The following SPG11 variants were observed in gnomAD, a reference collection of about 807,000 sequenced individuals.
SPG11 encodes SPG11 vesicle trafficking associated, spatacsin.
A neutral mutation model predicts 274.0 loss-of-function variants in SPG11; 222 were observed. The observed-to-expected ratio is 0.81, with a 90% CI of 0.73 to 0.91. SPG11 has a LOEUF of 0.91. Ranked by LOEUF, SPG11 falls within the 40% of genes least tolerant of loss-of-function variation. The pLI is 0.00. For missense variants in SPG11, 3,114 were observed against 2,872.7 expected (o/e 1.08, Z -1.92); for synonymous variants, 1,144 against 1,039.7 (o/e 1.10, Z -1.93).
At chr15:44,583,613 C>T (rs1742113849) in intron 30 of SPG11, among the ~76,000 whole-genome samples, 1 of 152,142 alleles carries the variant, frequency 6.6e-6, no homozygotes, top group African/African-American at 2.4e-5. Flanking sequence ...TTCCCTTTAA[C>T]TTTGAAACAT....
At chr15:44,623,017 C>T (rs1206747698) in intron 11 of SPG11, among the ~76,000 whole-genome samples, 2 of 152,170 alleles carry the variant, frequency 1.3e-5, no homozygotes, top group African/African-American at 4.8e-5. Flanking sequence ...GGTGTGATCA[C>T]AGCTCACTGC....
At position 44,620,175 on chromosome 15, in the gene SPG11, C is replaced by T; in HGVS notation, c.2834+15G>A. The T allele has an allele frequency of 5.0e-6, 8 of 1,596,138 alleles. No individual in the cohort carries two copies. Among genetic ancestry groups the T allele is most frequent in the South Asian group, 1.1e-5 (1 of 90,548 alleles). ...GTATTCTTCCCATTGGGTATTAGTT[C>T]AACAGTTATAATACCTGGCCAGCTT... is the stretch of plus-strand genomic sequence containing the variant. On this transcript the variant is annotated intron_variant, in intron 15 of 39. Coordinates refer to ENST00000261866, the MANE Select transcript of SPG11 (RefSeq NM_025137.4).
intron 18 of SPG11, among the ~76,000 whole-genome samples, chr15:44,609,572 G>A (rs1246720532): frequency 1.3e-5 from 2 of 152,088 alleles, no homozygotes; most frequent in Non-Finnish European, 2.9e-5. Flanking sequence ...AGGGCAAATA[G>A]TAGACAATAA....
chr15:44,572,717 C>G lies in SPG11; in HGVS notation c.6309G>C (p.Lys2103Asn), dbSNP rs1192111195. 4 of 1,614,026 alleles carry G rather than the reference C, an allele frequency of 2.5e-6. No homozygotes were observed. Among genetic ancestry groups the G allele is most frequent in the Non-Finnish European group, 3.4e-6 (4 of 1,180,022 alleles). ...RTLVGMKLLD[K>N]ISSVPHGELS... The stretch of plus-strand genomic sequence containing the variant: ...GTTCCCCATGGGGAACGGAGGAAAT[C>G]TTATCCAACAACTTCATGCCTACCA... Residue 2103 changes from lysine to asparagine, a missense_variant, in exon 33 of 40, where the codon AAG (lysine) becomes AAC (asparagine). By Grantham distance (94) the Lys-to-Asn change is moderately conservative. Transcript: ENST00000261866.
At chr15:44,651,431 A>T in intron 6 of SPG11, 60 bp downstream of exon 6, 1 of 1,467,464 alleles carries the variant, frequency 6.8e-7, no homozygotes, top group South Asian at 1.2e-5. Context: ...CAGAAGTAAA[A>T]TACAGTAGGA....
intron 7 of SPG11, among the ~76,000 whole-genome samples, chr15:44,642,361 T>G: frequency 1.2e-5 from 1 of 86,844 alleles, no homozygotes; most frequent in African/African-American, 5.4e-5. Flanking sequence ...TAAGACTCCA[T>G]CTCAAAAAAA....
At chr15:44,617,698 T>C (rs2083624568) in intron 15 of SPG11, among the ~76,000 whole-genome samples, 1 of 152,158 alleles carries the variant, frequency 6.6e-6, no homozygotes, top group African/African-American at 2.4e-5. Context: ...TTTTTTGAGA[T>C]GGATTCTCAC....
intron 37 of SPG11, 98 bp downstream of exon 37, chr15:44,566,119 C>A: frequency 3.8e-6 from 6 of 1,585,630 alleles, no homozygotes; most frequent in Non-Finnish European, 5.2e-6. Flanking sequence ...CCTATGATGC[C>A]CTCCCGCTTC....
chr15:44,583,793 C>A (rs1029339077), intron 30 of SPG11, 21 bp downstream of exon 30: 5 of 1,614,016 alleles, frequency 3.1e-6, no homozygotes, highest in Non-Finnish European at 3.4e-6. Flanking sequence ...GACTCTGGGC[C>A]ATCTGATCTC....
chr15:44,662,262 T>C (rs1358199406), intron 1 of SPG11, among the ~76,000 whole-genome samples: 1 of 152,046 alleles, frequency 6.6e-6, no homozygotes, highest in Non-Finnish European at 1.5e-5. Flanking sequence ...ATGTATCAAA[T>C]GAATCTCTAA....
intron 20 of SPG11, chr15:44,604,245 T>G (rs1174043958): frequency 2.7e-6 from 1 of 372,874 alleles, no homozygotes; most frequent in African/African-American, 2.2e-5. Flanking sequence ...TCTGTCATCT[T>G]ACAAAGGTCT....
intron 11 of SPG11, among the ~76,000 whole-genome samples, chr15:44,624,521 G>C (rs1430880762): frequency 6.6e-6 from 1 of 152,168 alleles, no homozygotes; most frequent in Admixed American, 6.5e-5. Flanking sequence ...ACCAAGGACT[G>C]TGGGGTAGGG....
intron 20 of SPG11, among the ~76,000 whole-genome samples, chr15:44,602,427 T>G (rs1484258578): frequency 6.6e-6 from 1 of 152,156 alleles, no homozygotes; most frequent in Non-Finnish European, 1.5e-5. Context: ...TGAAAGGATG[T>G]TGAATTTTCC....
intron 8 of SPG11, among the ~76,000 whole-genome samples, chr15:44,631,957 C>T (rs1455635807): frequency 1.3e-5 from 2 of 151,662 alleles, no homozygotes; most frequent in African/African-American, 2.4e-5. Flanking sequence ...CACACATGCA[C>T]ACCACCACGC....
chr15:44,570,706 C>A, intron 33 of SPG11, 48 bp from the exon 34 acceptor site: 1 of 1,600,016 alleles, frequency 6.2e-7, no homozygotes, highest in South Asian at 1.1e-5. Context: ...CCTGGCTGCC[C>A]ACTGTCAACC....
chr15:44,608,498 C>A lies in SPG11; in HGVS notation c.3399G>T (p.Gln1133His), dbSNP rs1051475016. The change falls in exon 19 of 40, where the codon CAG (glutamine) becomes CAT (histidine). Residue 1133 changes from glutamine (Q) to histidine (H), a missense_variant. By Grantham distance (24) the Gln-to-His change is conservative (BLOSUM62 0). Transcript: ENST00000261866. ...ATGGCAGGACACTAGGAGGAGTGCA[C>A]TGTGGGAAGAGAGCAGTTTTTAGCT... ...YPKLKTALFP[Q>H]CTPPSVLPSD... The A allele has an allele frequency of 3.1e-6, 5 of 1,614,104 alleles. No individual in the cohort carries two copies. Among genetic ancestry groups the A allele is most frequent in the Admixed American group, 1.7e-5 (1 of 60,000 alleles).
chr15:44,615,302 G>A, intron 16 of SPG11, 61 bp downstream of exon 16: 2 of 1,485,956 alleles, frequency 1.3e-6, no homozygotes, highest in East Asian at 2.3e-5. Context: ...ACATTCAGGA[G>A]TCATATGCAA....
rs312262727 is a variant in SPG11 at position 44,648,995 on chromosome 15, CAG to C, written c.1471_1472del (p.Leu491AspfsTer66). ...CFVLTENGLSLILFGLTQEEF... is the reference protein window; with the variant it reads ...CFVLTENGLSXILFGLTQEEF... ...CTTCTTGAGTCAAACCAAACAAAAT[CAG>C]AGAGAGTCCATTCTCTATAGGAAAA... On this transcript the variant is annotated frameshift_variant, in exon 7 of 40. Transcript: ENST00000261866. LOFTEE classifies it high-confidence loss of function. 10 of 1,613,118 alleles carry C rather than the reference CAG, an allele frequency of 6.2e-6. No individual in the cohort carries two copies. Among genetic ancestry groups the C allele is most frequent in the Admixed American group, 3.3e-5 (2 of 59,984 alleles).
At position 44,596,236 on chromosome 15, in the gene SPG11, G is replaced by A. The variant is rs773871445; in HGVS notation, c.4281C>T (p.Cys1427=). 6.8e-6 allele frequency: 11 copies of A among 1,614,060 alleles called. No homozygotes were observed. The highest frequency in any genetic ancestry group is 3.3e-5 in the South Asian group (3 of 91,088). ...KMDSDQVCNK[C]PQELQGSKQE... is the part of the protein sequence containing the mutation. ...GTTTGCTTCCTTGAAGTTCCTGGGG[G>A]CACTTATTGCAGACTTGATCGCTGT... The change falls in exon 25 of 40, where the codon TGC becomes TGT. Residue 1427 remains cysteine, a synonymous_variant. Coordinates refer to ENST00000261866, the MANE Select transcript of SPG11 (RefSeq NM_025137.4).
Sources: gnomAD v4.1 joint callset for allele counts (sites outside exome capture counted in the v4.1 genomes callset) on GRCh38, gnomAD v4.1.1 for gene constraint, MANE v1.5 for transcripts, NCBI Gene and HGNC (gene_info 2026-07-23, HGNC 2026-07-21) for gene names.